The following FABP3 variants were observed in gnomAD, a reference collection of about 807,000 sequenced individuals.
The protein encoded by FABP3 is fatty acid-binding protein, heart.
A neutral mutation model predicts 13.4 loss-of-function variants in FABP3; 8 were observed. The observed-to-expected ratio is 0.60, with a 90% CI of 0.35 to 1.07. FABP3 has a LOEUF of 1.07. FABP3 is among the 50% of genes least tolerant of loss of function. The pLI, the probability that FABP3 is intolerant of heterozygous loss-of-function variation, is 0.02. For synonymous variants in FABP3, 64 were observed against 60.0 expected (o/e 1.07, Z -0.31); for missense variants, 135 against 164.7 (o/e 0.82, Z 0.99).
At chr1:31,369,250 A>ATGAATCT (rs1640162722) in intron 2 of FABP3, 135 bp downstream of exon 2, 1 of 940,470 alleles carries the variant, frequency 1.1e-6, no homozygotes, top group Admixed American at 2.2e-5. Context: ...CACAGGCTTT[A>ATGAATCT]TGAATCTTGT....
downstream of FABP3, among the ~76,000 whole-genome samples, chr1:31,362,192 A>G (rs554791956): frequency 6.6e-6 from 1 of 152,348 alleles, no homozygotes; most frequent in African/African-American, 2.4e-5. Flanking sequence ...CGGATGCAGA[A>G]TAGTAAATGG....
chr1:31,373,005 C>T lies in FABP3; in HGVS notation c.10G>A (p.Ala4Thr), dbSNP rs754575117. 10 of 1,613,896 alleles carry T rather than the reference C, an allele frequency of 6.2e-6. No homozygotes were observed. Among genetic ancestry groups the T allele is most frequent in the Middle Eastern group, 1.6e-4 (1 of 6,084 alleles). The part of the protein sequence containing the change: MVD[A>T]FLGTWKLVDS... ...ACTAGCTTCCAGGTGCCCAGGAAAG[C>T]GTCCACCATAGTGATGCTGGGCTAG... Residue 4 changes from alanine to threonine, a missense_variant, in exon 1 of 4, where the codon GCT becomes ACT. By Grantham distance (58) the Ala-to-Thr change is moderately conservative. Transcript: ENST00000373713.
chr1:31,361,640 C>T (rs1412692263), downstream of FABP3, among the ~76,000 whole-genome samples: 1 of 152,154 alleles, frequency 6.6e-6, no homozygotes, highest in African/African-American at 2.4e-5. Context: ...CATAGGAAAA[C>T]TCAGGAGATT....
chr1:31,364,974 G>T (rs1395105047), downstream of FABP3: 1 of 152,124 alleles, frequency 6.6e-6, no homozygotes, highest in Non-Finnish European at 1.5e-5. Context: ...TTCTTCCTGG[G>T]TAACTTACAG....
chr1:31,360,101 T>A, the FABP3 span, among the ~76,000 whole-genome samples: 1 of 151,816 alleles, frequency 6.6e-6, no homozygotes. Context: ...TGCCTCAGCC[T>A]CCCGAGTAGC....
At chr1:31,363,561 G>A (rs1640011673), downstream of FABP3, among the ~76,000 whole-genome samples, 1 of 152,132 alleles carries the variant, frequency 6.6e-6, no homozygotes, top group East Asian at 1.9e-4. Context: ...GGAGGCCAAG[G>A]TGGGCAGATT....
intron 1 of FABP3, among the ~76,000 whole-genome samples, chr1:31,372,711 C>A (rs1450512782): frequency 6.6e-6 from 1 of 152,158 alleles, no homozygotes; most frequent in African/African-American, 2.4e-5. Flanking sequence ...TGGAAAGAGC[C>A]TCCCACACAG....
At chr1:31,361,156 T>C (rs1639875058), downstream of FABP3, among the ~76,000 whole-genome samples, 1 of 152,206 alleles carries the variant, frequency 6.6e-6, no homozygotes, top group Non-Finnish European at 1.5e-5. Context: ...ATTTGCCAAC[T>C]CTCAGCTCCT....
downstream of FABP3, chr1:31,363,955 A>C (rs1479488866): frequency 2.6e-6 from 4 of 1,552,550 alleles, no homozygotes; most frequent in Admixed American, 6.1e-5. Context: ...GAGCCACTGC[A>C]CCTGGCCAAT....
rs149275195 is a variant in FABP3 at position 31,367,907 on chromosome 1, T to G, written c.247-413A>C. ...ACTGACTGAGGAGGAGGAGTAGTCC[T>G]GAGAATCTTTATCCAGCCTTGTGGT... On this transcript the variant is annotated intron_variant, in intron 2 of 3. Transcript: ENST00000373713. Among the ~76,000 whole-genome samples, 124 of 152,346 alleles carry G rather than the reference T, an allele frequency of 8.1e-4. 1 individual carries two copies. The highest frequency in any genetic ancestry group is 2.6e-3 in the African/African-American group (110 of 41,580).
At chr1:31,364,156 A>G (rs2148491492), downstream of FABP3, 2 of 1,613,930 alleles carry the variant, frequency 1.2e-6, no homozygotes, top group South Asian at 1.1e-5. Flanking sequence ...AAGAAGAAGA[A>G]AAAGAAGAAG....
chr1:31,367,314 T>C (rs545050720), intron 3 of FABP3, 79 bp downstream of exon 3: 11 of 1,192,650 alleles, frequency 9.2e-6, no homozygotes, highest in South Asian at 7.3e-5. Context: ...AGGGGAGGAC[T>C]TGGCTTTTTA....
downstream of FABP3, chr1:31,364,861 T>G (rs1330305959): frequency 1.3e-5 from 2 of 152,282 alleles, no homozygotes; most frequent in Non-Finnish European, 2.9e-5. Context: ...TATTTACTAC[T>G]GTGTGAATCA....
chr1:31,366,317 A>T (rs1002810341), intron 3 of FABP3, among the ~76,000 whole-genome samples: 1 of 152,134 alleles, frequency 6.6e-6, no homozygotes, highest in Admixed American at 6.5e-5. Flanking sequence ...AAAAATATCC[A>T]GAGACTCAGG....
chr1:31,369,397 G>C lies in FABP3; in HGVS notation c.234C>G (p.Asp78Glu). 1.9e-6 allele frequency: 3 copies of C among 1,614,018 alleles called. No homozygotes were observed. The highest frequency in any genetic ancestry group is 2.5e-6 in the Non-Finnish European group (3 of 1,179,988). Reference protein sequence around the residue: ...GVEFDETTADDRKVKSIVTLD... With the variant: ...GVEFDETTADERKVKSIVTLD... ...TTCCCTGACTTACCTTGACCTTCCT[G>C]TCATCTGCTGTTGTCTCATCGAACT... is the stretch of plus-strand genomic sequence containing the variant. The change falls in exon 2 of 4, where the codon GAC (aspartate) becomes GAG (glutamate). Residue 78 changes from aspartate (D) to glutamate (E), a missense_variant. Transcript: ENST00000373713.
chr1:31,369,727 G>A, intron 1 of FABP3, 170 bp from the exon 2 acceptor site: 1 of 630,686 alleles, frequency 1.6e-6, no homozygotes. Flanking sequence ...TCTGTTTGGT[G>A]AACACAGATA....
At position 31,367,330 on chromosome 1, in the gene FABP3, G is replaced by A. The variant is rs1257586880; in HGVS notation, c.348+63C>T. 8.0e-6 allele frequency: 11 copies of A among 1,381,502 alleles called. No homozygotes were observed. In the East Asian group the frequency reaches 2.1e-4, roughly 26 times the overall value. 85.6% of individuals were successfully genotyped at this position (1,381,502 alleles called of 1,614,324 possible). ...GGGGAGGACTTGGCTTTTTAGAACA[G>A]GCTTGGCTGAAAGAGCAGTAGTAAT... On this transcript the variant is annotated intron_variant, in intron 3 of 3. Transcript: ENST00000373713.
At chr1:31,367,761 G>A (rs1002266267) in intron 2 of FABP3, among the ~76,000 whole-genome samples, 1 of 152,222 alleles carries the variant, frequency 6.6e-6, no homozygotes, top group Admixed American at 6.5e-5. Context: ...TGGAGCCAGA[G>A]AGCCTGGCTC....
At chr1:31,366,973 T>C (rs1423861530) in intron 3 of FABP3, among the ~76,000 whole-genome samples, 3 of 152,190 alleles carry the variant, frequency 2.0e-5, no homozygotes, top group African/African-American at 7.2e-5. Flanking sequence ...GATTTGGCCC[T>C]GTTTTCTACT....
Sources: allele counts gnomAD v4.1 joint callset (sites outside exome capture counted in the v4.1 genomes callset), GRCh38; gene constraint gnomAD v4.1.1; transcripts MANE v1.5; gene names NCBI Gene and HGNC (gene_info 2026-07-23, HGNC 2026-07-21).